The following CDH18 variants were observed in gnomAD, a reference collection of about 807,000 sequenced individuals.
The protein encoded by CDH18 is cadherin-18.
In CDH18, 31 loss-of-function variants were observed where a neutral mutation model predicts 67.9. The observed-to-expected ratio is 0.46, with a 90% CI of 0.34 to 0.62. CDH18 has a LOEUF of 0.62. Among genes scored for constraint, CDH18 ranks in the 20% least tolerant of loss-of-function variants. CDH18 has a pLI of 0.01. For synonymous variants in CDH18, 362 were observed against 347.2 expected (o/e 1.04, Z -0.48); for missense variants, 890 against 975.5 (o/e 0.91, Z 1.17).
chr5:19,827,023 G>T lies in CDH18; in HGVS notation c.228+11736C>A, dbSNP rs149942854. ...AATGATACCCACAGGCTCAAAGTAA[G>T]GGGATGGAGAAAAATCTACCAAGAA... is the stretch of plus-strand genomic sequence containing the variant. On this transcript the variant is annotated intron_variant, in intron 3 of 12. Transcript: ENST00000382275. 7.2e-3 allele frequency among the ~76,000 whole-genome samples: 1,102 copies of T among 152,124 alleles called. 20 individuals carry two copies. Among genetic ancestry groups the T allele is most frequent in the African/African-American group, 0.025 (1,042 of 41,516 alleles).
intron 1 of CDH18, among the ~76,000 whole-genome samples, chr5:20,470,851 T>C (rs1752006774): frequency 6.6e-6 from 1 of 152,224 alleles, no homozygotes; most frequent in Non-Finnish European, 1.5e-5. Flanking sequence ...GACCTGCTGC[T>C]TTCCTGCTCA....
intron 2 of CDH18, among the ~76,000 whole-genome samples, chr5:19,976,597 T>A (rs187901278): frequency 1.6e-3 from 238 of 152,224 alleles, no homozygotes; most frequent in Non-Finnish European, 1.9e-3. Context: ...ATAAGGTAGA[T>A]GGTCTCTGAA....
Position 20,521,667 on chromosome 5 carries a change from G to A in CDH18, c.-580+53795C>T, listed in dbSNP as rs1755750698. Among the ~76,000 whole-genome samples, 4 of 152,010 alleles carry A rather than the reference G, an allele frequency of 2.6e-5. No homozygotes were observed. The South Asian group carries it at 8.3e-4, about 32-fold the overall frequency. ...AGATATTTTTAAGTGTAGAGTTAAT[G>A]GCAAATGCGTTTGTAGGCTGATTAC... On this transcript the variant is annotated intron_variant, in intron 1 of 14. Coordinates refer to the CDH18 transcript ENST00000507958.
At chr5:20,038,393 A>G (rs187104393) in intron 2 of CDH18, among the ~76,000 whole-genome samples, 1 of 152,186 alleles carries the variant, frequency 6.6e-6, no homozygotes, top group African/African-American at 2.4e-5. Flanking sequence ...CAGAGACACA[A>G]CAAATAAAGA....
chr5:20,203,201 C>G (rs1385474785), intron 2 of CDH18, among the ~76,000 whole-genome samples: 2 of 152,084 alleles, frequency 1.3e-5, no homozygotes, highest in Non-Finnish European at 2.9e-5. Flanking sequence ...CTTGGGTTGC[C>G]TAGCAGGAGA....
chr5:19,664,749 T>C (rs780724418), intron 5 of CDH18, among the ~76,000 whole-genome samples: 1 of 152,008 alleles, frequency 6.6e-6, no homozygotes, highest in Non-Finnish European at 1.5e-5. Flanking sequence ...TGCCCCTCAC[T>C]GCATTAAATC....
At chr5:20,566,888 C>T (rs1295519526) in intron 1 of CDH18, among the ~76,000 whole-genome samples, 11 of 152,148 alleles carry the variant, frequency 7.2e-5, no homozygotes, top group Non-Finnish European at 1.6e-4. Flanking sequence ...ACATAGCTGG[C>T]TATTTGAGTA....
At chr5:20,430,397 T>C (rs1748644975) in intron 1 of CDH18, among the ~76,000 whole-genome samples, 1 of 152,132 alleles carries the variant, frequency 6.6e-6, no homozygotes, top group South Asian at 2.1e-4. Context: ...GTGGACAAGC[T>C]GTCATCATGC....
At chr5:20,549,067 G>A (rs1757496299) in intron 1 of CDH18, among the ~76,000 whole-genome samples, 1 of 152,140 alleles carries the variant, frequency 6.6e-6, no homozygotes, top group South Asian at 2.1e-4. Context: ...CATGCTGCCT[G>A]TGATAATGGT....
chr5:19,731,682 C>T (rs192964417), intron 4 of CDH18, among the ~76,000 whole-genome samples: 288 of 152,212 alleles, frequency 1.9e-3, no homozygotes, highest in Middle Eastern at 6.8e-3. Context: ...CTCAAATAAT[C>T]GTCGAAGTAT....
At chr5:20,141,434 G>T (rs1439098490) in intron 2 of CDH18, among the ~76,000 whole-genome samples, 2 of 152,080 alleles carry the variant, frequency 1.3e-5, no homozygotes, top group Non-Finnish European at 2.9e-5. Context: ...GTATGAAAAA[G>T]AATTTATGAC....
At chr5:19,645,140 T>C (rs1339294681) in intron 5 of CDH18, among the ~76,000 whole-genome samples, 1 of 152,252 alleles carries the variant, frequency 6.6e-6, no homozygotes, top group East Asian at 1.9e-4. Context: ...TGTTATCCAA[T>C]ACTGCTGTTG....
intron 1 of CDH18, among the ~76,000 whole-genome samples, chr5:20,397,008 C>T (rs1281269528): frequency 1.3e-5 from 2 of 152,016 alleles, no homozygotes; most frequent in South Asian, 2.1e-4. Context: ...TGTTCTTAGC[C>T]CCAACTCAGC....
At chr5:19,739,206 G>A (rs1266723389) in intron 4 of CDH18, among the ~76,000 whole-genome samples, 2 of 152,146 alleles carry the variant, frequency 1.3e-5, no homozygotes, top group Admixed American at 1.3e-4. Context: ...AACATTTAGA[G>A]AATATCTTGC....
chr5:20,026,971 T>A (rs1418716827), intron 2 of CDH18, among the ~76,000 whole-genome samples: 2 of 150,624 alleles, frequency 1.3e-5, no homozygotes, highest in Non-Finnish European at 3.0e-5. Context: ...AAAAAAAAAA[T>A]AAATAAAATA....
At chr5:20,191,842 A>G (rs1195619086) in intron 2 of CDH18, among the ~76,000 whole-genome samples, 1 of 152,190 alleles carries the variant, frequency 6.6e-6, no homozygotes, top group East Asian at 1.9e-4. Context: ...TCTTTACAGT[A>G]GAATGATGTA....
chr5:19,792,760 T>C (rs1168865717), intron 3 of CDH18, among the ~76,000 whole-genome samples: 4 of 152,066 alleles, frequency 2.6e-5, no homozygotes, highest in Non-Finnish European at 5.9e-5. Context: ...GAAAAAAGTA[T>C]CAGAATATAG....
At chr5:19,622,557 G>A (rs1580546555) in intron 5 of CDH18, among the ~76,000 whole-genome samples, 1 of 152,290 alleles carries the variant, frequency 6.6e-6, no homozygotes, top group East Asian at 1.9e-4. Context: ...GCAGTACAAT[G>A]AAAGTGACAT....
At chr5:20,187,017 C>T (rs1021243107) in intron 2 of CDH18, among the ~76,000 whole-genome samples, 1 of 151,770 alleles carries the variant, frequency 6.6e-6, no homozygotes, top group African/African-American at 2.4e-5. Context: ...CTTGAAGACA[C>T]GTTAAGTGAA....
Sources: allele counts gnomAD v4.1 joint callset (sites outside exome capture counted in the v4.1 genomes callset), GRCh38; gene constraint gnomAD v4.1.1; transcripts MANE v1.5; gene names NCBI Gene and HGNC (gene_info 2026-07-23, HGNC 2026-07-21).